The following TUB variants were observed in gnomAD, a reference collection of about 807,000 sequenced individuals.
TUB encodes tubby protein homolog.
A neutral mutation model predicts 59.7 loss-of-function variants in TUB; 33 were observed. That is an observed-to-expected ratio of 0.55 (90% confidence interval 0.42 to 0.74). TUB has a LOEUF of 0.74. Among genes scored for constraint, TUB ranks in the 30% least tolerant of loss-of-function variants. TUB has a pLI of 0.00. For missense variants in TUB, 659 were observed against 672.0 expected (o/e 0.98, Z 0.21); for synonymous variants, 293 against 256.4 (o/e 1.14, Z -1.36).
rs1251332972 is a variant in TUB, at chr11:8,046,234, C to A, written c.203+6542C>A. ...CCTCAGGATCATTGCCTTGCACCACCTTTTGTCCAATGTCTGAACTGTCGT... is the reference window on the plus strand; with the variant it reads ...CCTCAGGATCATTGCCTTGCACCACATTTTGTCCAATGTCTGAACTGTCGT... On this transcript the variant is annotated intron_variant, in intron 2 of 12. Transcript: ENST00000305253. Among the ~76,000 whole-genome samples, 3 of 152,186 alleles carry A rather than the reference C, an allele frequency of 2.0e-5. No individual in the cohort carries two copies. The East Asian group carries it at 5.8e-4, about 29-fold the overall frequency.
chr11:8,075,399 A>G (rs1483486488), intron 2 of TUB, among the ~76,000 whole-genome samples: 2 of 152,230 alleles, frequency 1.3e-5, no homozygotes, highest in African/African-American at 4.8e-5. Flanking sequence ...GACTTTCAGC[A>G]GATTATATAT....
intron 3 of TUB, among the ~76,000 whole-genome samples, chr11:8,091,603 TC>T (rs953191766): frequency 1.3e-5 from 2 of 152,194 alleles, no homozygotes; most frequent in African/African-American, 4.8e-5. Context: ...TTATGTTGCC[TC>T]CCTGATGAAA....
chr11:8,069,329 CTTTA>C (rs1943311724), intron 2 of TUB: 1 of 145,748 alleles, frequency 6.9e-6, no homozygotes, highest in African/African-American at 2.6e-5. Context: ...CCACAGGACA[CTTTA>C]TTTTACACTT....
upstream of TUB, among the ~76,000 whole-genome samples, chr11:8,037,510 C>T (rs1942664696): frequency 6.6e-6 from 1 of 152,198 alleles, no homozygotes; most frequent in Non-Finnish European, 1.5e-5. Context: ...CAGCAATGTC[C>T]AGCTTTGCAT....
intron 1 of TUB, among the ~76,000 whole-genome samples, chr11:8,033,240 C>T (rs1350016947): frequency 6.6e-6 from 1 of 152,218 alleles, no homozygotes; most frequent in East Asian, 1.9e-4. Flanking sequence ...CCTTGGTTCC[C>T]TTTTGTACGT....
intron 2 of TUB, among the ~76,000 whole-genome samples, chr11:8,053,200 A>C (rs1942961136): frequency 6.6e-6 from 1 of 152,228 alleles, no homozygotes; most frequent in Admixed American, 6.5e-5. Context: ...GGTTACTCAT[A>C]TATAAACCAT....
intron 1 of TUB, among the ~76,000 whole-genome samples, chr11:8,022,956 A>C (rs1158609504): frequency 6.6e-6 from 1 of 152,150 alleles, no homozygotes; most frequent in Non-Finnish European, 1.5e-5. Context: ...ACAACAAAAC[A>C]ACTGTTTGAG....
chr11:8,081,395 GC>G lies in TUB; in HGVS notation c.-112del. The G allele has an allele frequency of 9.9e-7, 1 of 1,011,482 alleles. No homozygotes were observed. Among genetic ancestry groups the G allele is most frequent in the Non-Finnish European group, 1.2e-6 (1 of 848,110 alleles). 62.7% of individuals were successfully genotyped at this position (1,011,482 alleles called of 1,614,324 possible). A position where few individuals can be genotyped will look rare whatever the true frequency, so the allele number is the denominator to read the frequency against. On this transcript the variant is annotated 5_prime_UTR_variant, in exon 1 of 12. Transcript: ENST00000299506. ...AGCGCGGGCCTCGGCGGGGCCCAGC[GC>G]CCCGGCCCGGGAGGATGCGGCCCGG...
At chr11:8,029,138 C>T (rs1433250441) in intron 1 of TUB, among the ~76,000 whole-genome samples, 1 of 152,188 alleles carries the variant, frequency 6.6e-6, no homozygotes, top group African/African-American at 2.4e-5. Flanking sequence ...CTGGCCCACA[C>T]TGGTCTCTTC....
At chr11:8,066,846 C>G (rs1205533101) in intron 2 of TUB, among the ~76,000 whole-genome samples, 2 of 152,210 alleles carry the variant, frequency 1.3e-5, no homozygotes, top group African/African-American at 4.8e-5. Flanking sequence ...CTGCACTTTG[C>G]AAATGACCTC....
At chr11:8,056,580 G>A (rs1943024878) in intron 2 of TUB, among the ~76,000 whole-genome samples, 1 of 152,128 alleles carries the variant, frequency 6.6e-6, no homozygotes, top group South Asian at 2.1e-4. Context: ...GTACATGTGG[G>A]TACAAAGCAC....
At chr11:8,064,452 G>C (rs897675174) in intron 2 of TUB, among the ~76,000 whole-genome samples, 9 of 152,212 alleles carry the variant, frequency 5.9e-5, no homozygotes, top group Non-Finnish European at 1.0e-4. Flanking sequence ...GCTGCACCAA[G>C]AGTTTACCCA....
At chr11:8,091,269 G>T (rs552010462) in intron 3 of TUB, among the ~76,000 whole-genome samples, 1 of 152,284 alleles carries the variant, frequency 6.6e-6, no homozygotes, top group East Asian at 1.9e-4. Flanking sequence ...GGCAGCAGGT[G>T]GGTCTCACTT....
intron 2 of TUB, among the ~76,000 whole-genome samples, chr11:8,053,473 T>G (rs1013396766): frequency 6.6e-6 from 1 of 152,072 alleles, no homozygotes; most frequent in African/African-American, 2.4e-5. Flanking sequence ...AATAATTGTC[T>G]GTTTTTATTT....
At chr11:8,020,074 C>T (rs922634805) in intron 1 of TUB, among the ~76,000 whole-genome samples, 2 of 152,248 alleles carry the variant, frequency 1.3e-5, no homozygotes, top group Admixed American at 6.5e-5. Context: ...GTGAGTTGGT[C>T]ATAAAGCCGA....
In TUB at chr11:8,105,830, T is replaced by C. The variant is rs1210018431; in HGVS notation, c.*4211T>C. The C allele has an allele frequency of 6.6e-6, 1 of 152,168 alleles. No homozygotes were observed. The highest frequency in any genetic ancestry group is 1.5e-5 in the Non-Finnish European group (1 of 68,020). The allele number at this position is 152,168 out of a possible 1,614,324, so 9.4% of individuals were successfully genotyped here. ...CCCCCTAGCAAGGTCCAGGCAAAGC[T>C]GGAGATGAGGCTGAGATCCAGAGTT... On this transcript the variant is annotated 3_prime_UTR_variant, in exon 12 of 12. Transcript: ENST00000299506.
At chr11:8,051,890 C>A (rs1026313209) in intron 2 of TUB, among the ~76,000 whole-genome samples, 2 of 152,170 alleles carry the variant, frequency 1.3e-5, no homozygotes, top group African/African-American at 4.8e-5. Flanking sequence ...TTATTTGCCC[C>A]AAATGGATAG....
chr11:8,073,674 T>C (rs1432017945), intron 2 of TUB, among the ~76,000 whole-genome samples: 1 of 152,198 alleles, frequency 6.6e-6, no homozygotes, highest in Non-Finnish European at 1.5e-5. Flanking sequence ...AAACCCCTCC[T>C]GGAGGCTGAG....
intron 1 of TUB, among the ~76,000 whole-genome samples, chr11:8,021,310 A>C (rs1300567620): frequency 1.3e-5 from 2 of 152,064 alleles, no homozygotes; most frequent in East Asian, 3.9e-4. Flanking sequence ...AAATACAAAA[A>C]ACAAAAACCA....
Sources: gnomAD v4.1 joint callset for allele counts (sites outside exome capture counted in the v4.1 genomes callset) on GRCh38, gnomAD v4.1.1 for gene constraint, MANE v1.5 for transcripts, NCBI Gene and HGNC (gene_info 2026-07-23, HGNC 2026-07-21) for gene names.